EPRS1: variants seen among roughly 807,000 people sequenced by gnomAD.
EPRS1 encodes the protein glutamyl-prolyl-tRNA synthetase 1.
In EPRS1, 107 loss-of-function variants were observed where a neutral mutation model predicts 188.3. The observed-to-expected ratio is 0.57, with a 90% CI of 0.49 to 0.67. EPRS1 has a LOEUF of 0.67. Ranked by LOEUF, EPRS1 falls within the 30% of genes least tolerant of loss-of-function variation. The pLI is 0.00. For missense variants in EPRS1, 1,577 were observed against 1,802.2 expected (o/e 0.88, Z 2.26); for synonymous variants, 596 against 593.1 (o/e 1.00, Z -0.07).
At chr1:219,973,215 C>A (rs773622875) in intron 29 of EPRS1, 23 bp downstream of exon 29, 11 of 1,603,676 alleles carry the variant, frequency 6.9e-6, no homozygotes. Flanking sequence ...GAGAGAGAGA[C>A]ATAAGCAATT....
In EPRS1 at chr1:220,035,142, T is replaced by C; in HGVS notation, c.132-129A>G. 5 of 576,162 alleles carry C rather than the reference T, an allele frequency of 8.7e-6. No homozygotes were observed. The South Asian group carries it at 1.1e-4, about 13-fold the overall frequency. 35.7% of individuals were successfully genotyped at this position (576,162 alleles called of 1,614,324 possible). A position where few individuals can be genotyped will look rare whatever the true frequency, so the allele number is the denominator to read the frequency against. ...ATGTATTTTCTACTATAGTAAAAAATAGATCTGTTAATTGTTTGTTTGTTT... is the reference window on the plus strand; with the variant it reads ...ATGTATTTTCTACTATAGTAAAAAACAGATCTGTTAATTGTTTGTTTGTTT... On this transcript the variant is annotated intron_variant, in intron 2 of 31. Coordinates refer to ENST00000366923, the MANE Select transcript of EPRS1 (RefSeq NM_004446.3).
chr1:220,003,446 T>G (rs1216549361), intron 16 of EPRS1, among the ~76,000 whole-genome samples: 2 of 152,220 alleles, frequency 1.3e-5, no homozygotes, highest in African/African-American at 4.8e-5. Context: ...TGGTTGATTG[T>G]GATTTAGGTG....
At position 219,988,662 on chromosome 1, in the gene EPRS1, C is replaced by G. The variant is rs36122746; in HGVS notation, c.2703G>C (p.Ala901=). The change falls in exon 19 of 32, where the codon GCG becomes GCC. Residue 901 remains alanine, a synonymous_variant. Coordinates refer to ENST00000366923, the MANE Select transcript of EPRS1 (RefSeq NM_004446.3). The stretch of plus-strand genomic sequence containing the variant: ...AAGCTACTTTGTCAAAAAGTACTTT[C>G]GCTTCTGGTGTTTCTAAACCAGCAG... The part of the protein sequence containing the change: ...SEPAGLETPE[A]KVLFDKVASQ... 6.2e-6 allele frequency: 10 copies of G among 1,613,832 alleles called. No homozygotes were observed. The Admixed American group carries it at 1.7e-4, about 27-fold the overall frequency.
chr1:220,022,517 A>G lies in EPRS1; in HGVS notation c.945T>C (p.Pro315=). 1 of 1,608,272 alleles carries G rather than the reference A, an allele frequency of 6.2e-7. No homozygotes were observed. Among genetic ancestry groups the G allele is most frequent in the South Asian group, 1.1e-5 (1 of 90,236 alleles). Residue 315 remains proline, a splice_region_variant and synonymous_variant, in exon 9 of 32, where the codon CCT becomes CCC. Transcript: ENST00000366923. ...CCCACATTTGTAGATTCTTCTCAAT[A>G]GCTATAAAATGATAATTACATTACG... ...QRIDSKHRKN[P]IEKNLQMWEE... is the part of the protein sequence containing the mutation.
chr1:220,018,449 C>A lies in EPRS1; in HGVS notation c.1494G>T (p.Lys498Asn), dbSNP rs1425519260. 6.2e-7 allele frequency: 1 copy of A among 1,607,382 alleles called. No individual in the cohort carries two copies. Among genetic ancestry groups the A allele is most frequent in the South Asian group, 1.1e-5 (1 of 90,910 alleles). The change falls in exon 12 of 32, where the codon AAG becomes AAT. Residue 498 changes from lysine (K) to asparagine (N), a missense_variant and splice_region_variant. Lys to Asn is a moderately conservative substitution (Grantham distance 94). This residue lies in a region of EPRS1 where 1,278 missense variants were observed against 1,457.4 expected (regional missense o/e 0.88). Coordinates refer to ENST00000366923, the MANE Select transcript of EPRS1 (RefSeq NM_004446.3). The part of the protein sequence containing the change: ...EWDKIWAFNK[K>N]VIDPVAPRYV... The stretch of plus-strand genomic sequence containing the variant: ...GAAGGCAGAGAGTTAACATACATAC[C>A]TTTTTGTTAAACGCCCAGATTTTGT...
chr1:220,010,808 CAA>C (rs34170326), intron 13 of EPRS1, 136 bp downstream of exon 13: 21,865 of 393,824 alleles, frequency 0.056, no homozygotes, highest in Non-Finnish European at 0.067. Flanking sequence ...GACTACGTCT[CAA>C]AAAAAAAAAA....
At chr1:219,981,605 T>G in intron 23 of EPRS1, 148 bp from the exon 24 acceptor site, 1 of 494,232 alleles carries the variant, frequency 2.0e-6, no homozygotes, top group East Asian at 3.0e-5. Flanking sequence ...TAAATATATT[T>G]CCAATGTTTA....
At chr1:220,027,020 A>G (rs12141971) in intron 6 of EPRS1, among the ~76,000 whole-genome samples, 119,544 of 150,312 alleles carry the variant, frequency 0.8, 47,540 homozygotes, top group East Asian at 0.92. Context: ...GGCCGGGCAC[A>G]GTGGCTCATG....
rs1444456268 is a variant in EPRS1, at chr1:220,030,466, C to T, written c.543G>A (p.Lys181=). 1.2e-6 allele frequency: 2 copies of T among 1,613,992 alleles called. No homozygotes were observed. Among genetic ancestry groups the T allele is most frequent in the South Asian group, 2.2e-5 (2 of 91,088 alleles). The change falls in exon 6 of 32, where the codon AAG becomes AAA. Residue 181 remains lysine (K), a synonymous_variant. Coordinates refer to ENST00000366923, the MANE Select transcript of EPRS1 (RefSeq NM_004446.3). ...GCTCAACAAATTTCCCAACATCTTG[C>T]TTTTTCTCAGGTGCCTGAAAAACAC... The part of the protein sequence containing the change: ...TTKARVAPEK[K]QDVGKFVELP...
At chr1:220,012,344 A>G (rs1372118236) in intron 12 of EPRS1, among the ~76,000 whole-genome samples, 1 of 152,222 alleles carries the variant, frequency 6.6e-6, no homozygotes, top group Non-Finnish European at 1.5e-5. Context: ...TTAAGTCAGT[A>G]AGACATAATT....
At chr1:220,038,019 G>T (rs959519421) in intron 2 of EPRS1, among the ~76,000 whole-genome samples, 1 of 151,252 alleles carries the variant, frequency 6.6e-6, no homozygotes, top group Non-Finnish European at 1.5e-5. Flanking sequence ...GAGAGCAGAA[G>T]TTTATGAGTA....
chr1:219,979,389 T>A (rs551133576), intron 27 of EPRS1, 29 bp downstream of exon 27: 32 of 1,507,130 alleles, frequency 2.1e-5, no homozygotes, highest in Admixed American at 7.3e-5. Flanking sequence ...TTTTATAAAA[T>A]GAGTGATAAA....
At chr1:219,992,932 A>T (rs1661152476) in intron 18 of EPRS1, among the ~76,000 whole-genome samples, 1 of 151,192 alleles carries the variant, frequency 6.6e-6, no homozygotes, top group South Asian at 2.1e-4. Context: ...AAAAAAATTC[A>T]TTTACAAAGA....
chr1:219,998,991 TAAA>T (rs935231891), intron 17 of EPRS1, among the ~76,000 whole-genome samples: 59 of 150,258 alleles, frequency 3.9e-4, no homozygotes, highest in African/African-American at 1.3e-3. Context: ...TTATGTCAAA[TAAA>T]GAAGCATGCA....
intron 1 of EPRS1, among the ~76,000 whole-genome samples, chr1:220,043,471 C>T (rs964076996): frequency 1.3e-5 from 2 of 151,998 alleles, no homozygotes; most frequent in Non-Finnish European, 2.9e-5. Context: ...CACTATCTCG[C>T]AAACATCATA....
chr1:219,981,359 A>C lies in EPRS1; in HGVS notation c.3453+19T>G, dbSNP rs1660895106. 6.6e-7 allele frequency: 1 copy of C among 1,519,282 alleles called. No individual in the cohort carries two copies. Among genetic ancestry groups the C allele is most frequent in the South Asian group, 1.2e-5 (1 of 82,486 alleles). The allele number at this position is 1,519,282 out of a possible 1,614,324, so 94.1% of individuals were successfully genotyped here. ...AGAACATGAATAATAATAGAATACA[A>C]GAGGGGGTGAATACCTACCACCACA... On this transcript the variant is annotated intron_variant, in intron 24 of 31. Transcript: ENST00000366923.
At chr1:219,981,144 C>T (rs1196996607) in intron 24 of EPRS1, among the ~76,000 whole-genome samples, 3 of 152,040 alleles carry the variant, frequency 2.0e-5, no homozygotes, top group Admixed American at 6.5e-5. Flanking sequence ...AGTGATCTGT[C>T]GGCTCGACCT....
chr1:219,984,074 C>T, intron 21 of EPRS1, 132 bp downstream of exon 21: 1 of 663,064 alleles, frequency 1.5e-6, no homozygotes, highest in African/African-American at 1.8e-5. Flanking sequence ...TGTTAAATGA[C>T]TACACTGTGT....
chr1:219,980,171 T>G lies in EPRS1; in HGVS notation c.3625A>C (p.Arg1209=). The G allele has an allele frequency of 6.2e-7, 1 of 1,613,660 alleles. No individual in the cohort carries two copies. Among genetic ancestry groups the G allele is most frequent in the Non-Finnish European group, 8.5e-7 (1 of 1,179,656 alleles). The change falls in exon 26 of 32, where the codon AGA becomes CGA. Residue 1209 remains arginine, a synonymous_variant. Transcript: ENST00000366923. ...ELLAIPVVKG[R]KTEKEKFAGG... ...GCAAATTTTTCCTTTTCCGTCTTTC[T>G]TCCTTTAACAACAGGAATTGCCAGG...
Sources: gnomAD v4.1 joint callset for allele counts (sites outside exome capture counted in the v4.1 genomes callset) on GRCh38, gnomAD v4.1.1 for gene constraint, gnomAD v4.1.1 regional missense constraint, MANE v1.5 for transcripts, NCBI Gene and HGNC (gene_info 2026-07-23, HGNC 2026-07-21) for gene names.